URB2: variants seen among roughly 807,000 people sequenced by gnomAD.
URB2 encodes URB2 ribosome biogenesis homolog, also known as unhealthy ribosome biogenesis protein 2 homolog.
A neutral mutation model predicts 120.9 loss-of-function variants in URB2; 86 were observed. That is an observed-to-expected ratio of 0.71 (90% CI 0.60 to 0.85). The LOEUF (loss-of-function observed/expected upper bound fraction) is 0.85. URB2 is among the 40% of genes least tolerant of loss of function. The probability of loss-of-function intolerance (pLI) is 0.00; values close to 1 mark genes in which losing one functional copy is unlikely to be tolerated. For missense variants in URB2, 1,765 were observed against 1,836.5 expected, an observed-to-expected ratio of 0.96 and a Z score of 0.71; for synonymous variants, 755 against 758.4, an observed-to-expected ratio of 1.00 and a Z score of 0.07.
intron 9 of URB2, 138 bp downstream of exon 9, chr1:229,654,526 T>G: frequency 7.8e-7 from 1 of 1,278,082 alleles, no homozygotes. Context: ...AGGGTTTTGC[T>G]CTCTCACTCA....
At position 229,636,812 on chromosome 1, in the gene URB2, CACAT is replaced by C. The variant is rs1404101914; in HGVS notation, c.2202_2205del (p.Tyr735LeufsTer2). 2 of 1,612,928 alleles carry C rather than the reference CACAT, an allele frequency of 1.2e-6. No individual in the cohort carries two copies. The highest frequency in any genetic ancestry group is 1.7e-5 in the Admixed American group (1 of 59,972). On this transcript the variant is annotated frameshift_variant, in exon 4 of 10. Coordinates refer to ENST00000258243, the MANE Select transcript of URB2 (RefSeq NM_014777.4). LOFTEE classifies it high-confidence loss of function. ...GCCAAGTTGGGATGGTGAGTGGACTCACATACCCTGTAGCACACTGGCACTTGAT... is the reference window on the plus strand; with the variant it reads ...GCCAAGTTGGGATGGTGAGTGGACTCACCCTGTAGCACACTGGCACTTGAT...
intron 2 of URB2, among the ~76,000 whole-genome samples, chr1:229,628,119 G>GTATATATACATATATAATATATATATAA (rs1665562247): frequency 8.1e-6 from 1 of 123,926 alleles, no homozygotes; most frequent in Non-Finnish European, 1.6e-5. Context: ...GTATATATAT[G>GTATATATACATATATAATATATATATAA]TATATATACA....
At chr1:229,654,850 C>T (rs1666370218) in intron 9 of URB2, among the ~76,000 whole-genome samples, 2 of 152,166 alleles carry the variant, frequency 1.3e-5, no homozygotes, top group Admixed American at 6.5e-5. Context: ...CTCAGTGGTG[C>T]CTTGTACACA....
chr1:229,640,709 C>T (rs1225355441), intron 4 of URB2, among the ~76,000 whole-genome samples: 1 of 152,122 alleles, frequency 6.6e-6, no homozygotes, highest in East Asian at 1.9e-4. Context: ...TGCCATGGGC[C>T]AAATCACGCT....
Position 229,632,362 on chromosome 1 carries a change from A to G in URB2, c.220A>G (p.Ile74Val), listed in dbSNP as rs371401600. ...EDIVERLWIYIDNILHSRKLQ... is the reference protein window; with the variant it reads ...EDIVERLWIYVDNILHSRKLQ... The stretch of plus-strand genomic sequence containing the variant: ...TATTGTTGAAAGGCTTTGGATCTAT[A>G]TAGATAACATTTTACATAGCAGAAA... Residue 74 changes from isoleucine (I) to valine (V), a missense_variant, in exon 3 of 10, where the codon ATA (isoleucine) becomes GTA (valine). Transcript: ENST00000258243. 10 of 1,589,658 alleles carry G rather than the reference A, an allele frequency of 6.3e-6. No individual in the cohort carries two copies. Among genetic ancestry groups the G allele is most frequent in the African/African-American group, 1.4e-5 (1 of 73,540 alleles).
chr1:229,635,086 G>C lies in URB2; in HGVS notation c.473G>C (p.Cys158Ser), dbSNP rs746217109. Residue 158 changes from cysteine (C) to serine (S), a missense_variant, in exon 4 of 10, where the codon TGC becomes TCC. Transcript: ENST00000258243. ...CTGAGCCAGCTTTGCTGGTCGGCCTGCAGGCAGCCCGAAGGAGCTGTGGTA... is the reference window on the plus strand; with the variant it reads ...CTGAGCCAGCTTTGCTGGTCGGCCTCCAGGCAGCCCGAAGGAGCTGTGGTA... ...ALLSQLCWSA[C>S]RQPEGAVVAQ... The C allele has an allele frequency of 1.9e-5, 31 of 1,613,956 alleles. No individual in the cohort carries two copies. The highest frequency in any genetic ancestry group is 2.5e-5 in the Non-Finnish European group (30 of 1,179,962).
At chr1:229,659,048 G>A (rs560123379) in intron 9 of URB2, 52 bp from the exon 10 acceptor site, 19 of 1,574,266 alleles carry the variant, frequency 1.2e-5, no homozygotes, top group African/African-American at 6.7e-5. Flanking sequence ...CAGGTGGTGC[G>A]GCTTGATCTC....
In URB2 at chr1:229,630,527, CACAA is replaced by C. The variant is rs369456422; in HGVS notation, c.127-1738_127-1735del. 3.0e-4 allele frequency among the ~76,000 whole-genome samples: 45 copies of C among 152,286 alleles called. No homozygotes were observed. In the East Asian group the frequency reaches 7.7e-3, roughly 26 times the overall value. ...AGGCTTTGTTTTTCCATTGACAGAG[CACAA>C]ACAGAGTAGATTTAGCATAATTCTT... is the stretch of plus-strand genomic sequence containing the variant. On this transcript the variant is annotated intron_variant, in intron 2 of 9. Transcript: ENST00000258243.
chr1:229,628,003 A>C (rs528886788), intron 2 of URB2, among the ~76,000 whole-genome samples: 14 of 149,356 alleles, frequency 9.4e-5, no homozygotes, highest in Admixed American at 2.7e-4. Flanking sequence ...TGTCATCTCT[A>C]TTTTGGGAGG....
At chr1:229,652,604 A>T (rs749561116) in intron 8 of URB2, among the ~76,000 whole-genome samples, 1 of 152,226 alleles carries the variant, frequency 6.6e-6, no homozygotes, top group Non-Finnish European at 1.5e-5. Flanking sequence ...TCATATTGTG[A>T]ATCGATTTAG....
At chr1:229,642,823 A>G (rs1666044311) in intron 4 of URB2, among the ~76,000 whole-genome samples, 1 of 152,216 alleles carries the variant, frequency 6.6e-6, no homozygotes, top group African/African-American at 2.4e-5. Flanking sequence ...AACCCCCAGC[A>G]CAGTAAAAAA....
intron 1 of URB2, among the ~76,000 whole-genome samples, chr1:229,626,980 C>T (rs574302423): frequency 1.3e-5 from 2 of 151,906 alleles, no homozygotes; most frequent in African/African-American, 4.8e-5. Flanking sequence ...CCAAGTTTAC[C>T]CAGTTTAATA....
At position 229,637,705 on chromosome 1, in the gene URB2, C is replaced by T. The variant is rs758617723; in HGVS notation, c.3092C>T (p.Ser1031Phe). Residue 1031 changes from serine to phenylalanine, a missense_variant, in exon 4 of 10, where the codon TCT (serine) becomes TTT (phenylalanine). Transcript: ENST00000258243. ...TTTAGAAAAATCACCGCATTCCTCTCTAGTTCCAAACCATACACGGAGGCA... is the reference window on the plus strand; with the variant it reads ...TTTAGAAAAATCACCGCATTCCTCTTTAGTTCCAAACCATACACGGAGGCA... ...LNFRKITAFL[S>F]SSKPYTEAAS... 2 of 1,614,146 alleles carry T rather than the reference C, an allele frequency of 1.2e-6. No individual in the cohort carries two copies. Among genetic ancestry groups the T allele is most frequent in the East Asian group, 2.2e-5 (1 of 44,902 alleles).
In URB2 at chr1:229,647,491, A is replaced by G. The variant is rs745531864; in HGVS notation, c.3907-19A>G. 3 of 1,605,794 alleles carry G rather than the reference A, an allele frequency of 1.9e-6. No individual in the cohort carries two copies. The highest frequency in any genetic ancestry group is 1.1e-5 in the South Asian group (1 of 90,782). On this transcript the variant is annotated intron_variant, in intron 6 of 9. Transcript: ENST00000258243. Reference sequence around the variant, plus strand: ...GGGGAATTACTTTCATTTTTCCTTTATTTTATTTTGCCCTTTAGCTCTTAA... The same window carrying G: ...GGGGAATTACTTTCATTTTTCCTTTGTTTTATTTTGCCCTTTAGCTCTTAA...
At chr1:229,645,720 C>T (rs1471701818) in intron 5 of URB2, 139 bp from the exon 6 acceptor site, 2 of 729,004 alleles carry the variant, frequency 2.7e-6, no homozygotes, top group Non-Finnish European at 2.4e-6. Flanking sequence ...CCCAAGCAGG[C>T]CTTGTCCACC....
Position 229,651,073 on chromosome 1 carries a change from A to G in URB2, c.4150-162A>G, listed in dbSNP as rs147526810. The G allele has an allele frequency of 2.1e-4, 103 of 485,382 alleles. 1 individual carries two copies. In the East Asian group the frequency reaches 3.9e-3, roughly 18 times the overall value. 30.1% of individuals were successfully genotyped at this position (485,382 alleles called of 1,614,324 possible). A position where few individuals can be genotyped will look rare whatever the true frequency, so the allele number is the denominator to read the frequency against. ...TACAAGATGGGTGAGCAGTGACAGC[A>G]GCATGTCCAGGCGAAAGGATGTGGC... On this transcript the variant is annotated intron_variant, in intron 7 of 9. Coordinates refer to ENST00000258243, the MANE Select transcript of URB2 (RefSeq NM_014777.4).
At chr1:229,639,792 C>G (rs1357989656) in intron 4 of URB2, among the ~76,000 whole-genome samples, 7 of 152,158 alleles carry the variant, frequency 4.6e-5, no homozygotes, top group African/African-American at 1.7e-4. Flanking sequence ...GTGTTTTAGT[C>G]TGAAGGCAGC....
At chr1:229,634,849 TAA>T in intron 3 of URB2, 66 bp from the exon 4 acceptor site, 1 of 1,349,912 alleles carries the variant, frequency 7.4e-7, no homozygotes, top group African/African-American at 1.4e-5. Context: ...TTTTTTTTTT[TAA>T]TACTTTTCTT....
At chr1:229,645,759 T>C in intron 5 of URB2, 100 bp from the exon 6 acceptor site, 2 of 1,044,328 alleles carry the variant, frequency 1.9e-6, no homozygotes, top group Non-Finnish European at 3.0e-6. Context: ...CTCAATCCAC[T>C]CCAACGCCAC....
Sources: allele counts gnomAD v4.1 joint callset (sites outside exome capture counted in the v4.1 genomes callset), GRCh38; gene constraint gnomAD v4.1.1; transcripts MANE v1.5; gene names NCBI Gene and HGNC (gene_info 2026-07-23, HGNC 2026-07-21).